FAIM2: variants seen among roughly 807,000 people sequenced by gnomAD.
FAIM2 encodes the protein protein lifeguard 2.
FAIM2 carries 27 observed loss-of-function variants against 47.4 expected under a neutral mutation model. That is an observed-to-expected ratio of 0.57 (90% CI 0.42 to 0.78). FAIM2 has a LOEUF of 0.78. Ranked by LOEUF, FAIM2 falls within the 30% of genes least tolerant of loss-of-function variation. The probability of loss-of-function intolerance (pLI) is 0.00; values close to 1 mark genes in which losing one functional copy is unlikely to be tolerated. For missense variants in FAIM2, 311 were observed against 389.4 expected (o/e 0.80, Z 1.69); for synonymous variants, 156 against 159.3 (o/e 0.98, Z 0.16).
chr12:49,894,249 A>T (rs1027711), intron 5 of FAIM2, among the ~76,000 whole-genome samples: 1 of 152,256 alleles, frequency 6.6e-6, no homozygotes, highest in Admixed American at 6.5e-5. Context: ...GGGACTCCCC[A>T]CTAGAGTTAT....
chr12:49,894,322 T>C (rs297933), intron 5 of FAIM2, among the ~76,000 whole-genome samples: 2,317 of 152,254 alleles, frequency 0.015, 53 homozygotes, highest in African/African-American at 0.052. Flanking sequence ...TCCACCCAGC[T>C]CTGGTCTCAC....
chr12:49,885,970 C>T (rs1946858232), intron 11 of FAIM2, among the ~76,000 whole-genome samples: 1 of 152,112 alleles, frequency 6.6e-6, no homozygotes, highest in Admixed American at 6.6e-5. Context: ...TCCAAAGCCC[C>T]CAAAACCTCT....
intron 5 of FAIM2, among the ~76,000 whole-genome samples, chr12:49,892,706 C>T (rs149986720): frequency 1.3e-5 from 2 of 152,300 alleles, no homozygotes; most frequent in East Asian, 1.9e-4. Context: ...TCTTCCCCCA[C>T]GTTCTCCCTA....
At chr12:49,879,418 G>A (rs1946782826) in intron 11 of FAIM2, among the ~76,000 whole-genome samples, 1 of 147,662 alleles carries the variant, frequency 6.8e-6, no homozygotes, top group Admixed American at 6.9e-5. Context: ...GTGCATGTGA[G>A]TGTATGTGTG....
At chr12:49,878,476 GCA>G (rs1565613244) in intron 11 of FAIM2, among the ~76,000 whole-genome samples, 1 of 99,484 alleles carries the variant, frequency 1.0e-5, no homozygotes, top group Admixed American at 1.2e-4. Flanking sequence ...ATGTGTGTGT[GCA>G]TGTGTGTATA....
chr12:49,902,608 C>T (rs1946988814), intron 1 of FAIM2, among the ~76,000 whole-genome samples: 1 of 152,088 alleles, frequency 6.6e-6, no homozygotes, highest in East Asian at 1.9e-4. Context: ...CTGGTGGAGG[C>T]AGGGTGGAGG....
intron 10 of FAIM2, among the ~76,000 whole-genome samples, chr12:49,888,580 C>T (rs1210271548): frequency 6.6e-6 from 1 of 152,178 alleles, no homozygotes; most frequent in African/African-American, 2.4e-5. Flanking sequence ...TTCCCCAGGG[C>T]AGGCTGGACA....
At chr12:49,877,868 G>A (rs1015908978) in intron 11 of FAIM2, among the ~76,000 whole-genome samples, 1 of 151,632 alleles carries the variant, frequency 6.6e-6, no homozygotes, top group Non-Finnish European at 1.5e-5. Context: ...GTGTGTGTGA[G>A]TGTATACATA....
At chr12:49,896,872 C>A (rs1010896382) in intron 5 of FAIM2, among the ~76,000 whole-genome samples, 159 bp downstream of exon 5, 2 of 152,168 alleles carry the variant, frequency 1.3e-5, no homozygotes, top group Non-Finnish European at 2.9e-5. Flanking sequence ...TGCTCTGAAG[C>A]CGACAGAATG....
intron 2 of FAIM2, chr12:49,900,015 G>A (rs1043892453): frequency 3.5e-6 from 1 of 288,650 alleles, no homozygotes; most frequent in Non-Finnish European, 7.1e-6. Context: ...TTGCCCTCTT[G>A]TCCTTCACTT....
Position 49,874,132 on chromosome 12 carries a change from C to A in FAIM2, c.802-3479G>T, listed in dbSNP as rs543158996. On this transcript the variant is annotated intron_variant, in intron 11 of 11. Transcript: ENST00000320634. The surrounding 1 kb of genome is among the most constrained non-coding windows in gnomAD (Gnocchi z 4.2). The stretch of plus-strand genomic sequence containing the variant: ...TGAGAGCTAGCAACCGAATTGACTG[C>A]AAACCCCTAAAAGGAGGGCAGGTAC... Among the ~76,000 whole-genome samples the A allele has an allele frequency of 6.6e-6, 1 of 152,318 alleles. No individual in the cohort carries two copies. The highest frequency in any genetic ancestry group is 1.5e-5 in the Non-Finnish European group (1 of 68,030).
At position 49,870,313 on chromosome 12, in the gene FAIM2, C is replaced by G. The variant is rs1946692677; in HGVS notation, c.*191G>C. 7.1e-6 allele frequency: 4 copies of G among 566,918 alleles called. No individual in the cohort carries two copies. In the Admixed American group the frequency reaches 1.2e-4, roughly 17 times the overall value. The allele number at this position is 566,918 out of a possible 1,614,324, so 35.1% of individuals were successfully genotyped here. A position where few individuals can be genotyped will look rare whatever the true frequency, so the allele number is the denominator to read the frequency against. Reference sequence around the variant, plus strand: ...TGGGGCGGCACAGGGATTGACGTGGCCTCAGTTCCTCAGGGTCCCCATGGC... The same window carrying G: ...TGGGGCGGCACAGGGATTGACGTGGGCTCAGTTCCTCAGGGTCCCCATGGC... On this transcript the variant is annotated 3_prime_UTR_variant, in exon 12 of 12. Transcript: ENST00000320634.
chr12:49,890,760 G>C (rs1250573431), intron 6 of FAIM2, 38 bp from the exon 7 acceptor site: 1 of 1,600,890 alleles, frequency 6.2e-7, no homozygotes, highest in African/African-American at 1.3e-5. Flanking sequence ...GATCGTAGGG[G>C]GTGGGGGCAG....
chr12:49,877,622 C>CCTAAA (rs1258141595), intron 11 of FAIM2, among the ~76,000 whole-genome samples: 1 of 9,882 alleles, frequency 1.0e-4, no homozygotes, highest in African/African-American at 1.1e-3. Context: ...ACTAGAAAAG[C>CCTAAA]AGGGTGAGGG....
intron 2 of FAIM2, chr12:49,900,339 G>A (rs1946973935): frequency 1.6e-6 from 1 of 620,298 alleles, no homozygotes; most frequent in African/African-American, 1.9e-5. Context: ...TGGGAGAGGG[G>A]GAGGGGCTGC....
chr12:49,882,425 G>T (rs759322851), intron 11 of FAIM2, among the ~76,000 whole-genome samples: 35 of 152,158 alleles, frequency 2.3e-4, no homozygotes, highest in Non-Finnish European at 3.7e-4. Context: ...ACCTGAAACT[G>T]AGAGGAGGTA....
intron 6 of FAIM2, 71 bp downstream of exon 6, chr12:49,890,993 C>T: frequency 6.7e-7 from 1 of 1,487,808 alleles, no homozygotes; most frequent in Non-Finnish European, 9.4e-7. Context: ...TGGTGGCTGG[C>T]AGGGCTGGGG....
At chr12:49,885,797 C>T (rs2137094975) in intron 11 of FAIM2, among the ~76,000 whole-genome samples, 1 of 152,298 alleles carries the variant, frequency 6.6e-6, no homozygotes, top group Middle Eastern at 3.4e-3. Flanking sequence ...ATTCATTCTA[C>T]AATACTGGCT....
At chr12:49,879,450 G>T (rs1946783679) in intron 11 of FAIM2, among the ~76,000 whole-genome samples, 1 of 151,264 alleles carries the variant, frequency 6.6e-6, no homozygotes, top group Non-Finnish European at 1.5e-5. Context: ...GTATATGTGT[G>T]TGCATACGTG....
Sources: gnomAD v4.1 joint callset for allele counts (sites outside exome capture counted in the v4.1 genomes callset) on GRCh38, gnomAD v4.1.1 for gene constraint, Gnocchi (gnomAD v3.1) non-coding constraint, MANE v1.5 for transcripts, NCBI Gene and HGNC (gene_info 2026-07-23, HGNC 2026-07-21) for gene names.